Variants in CDH13 observed in about 807,000 individuals in gnomAD.
CDH13 encodes the protein cadherin-13.
Under a neutral mutation model 63.8 loss-of-function variants are expected in CDH13, and 24 were observed. The observed-to-expected ratio is 0.38, with a 90% CI of 0.27 to 0.53. The LOEUF (loss-of-function observed/expected upper bound fraction) is 0.53. Ranked by LOEUF, CDH13 falls within the 20% of genes least tolerant of loss-of-function variation. CDH13 has a pLI of 0.85. For synonymous variants in CDH13, 503 were observed against 355.3 expected, an observed-to-expected ratio of 1.42 and a Z score of -4.67; for missense variants, 1,049 against 903.1, an observed-to-expected ratio of 1.16 and a Z score of -2.07.
intron 2 of CDH13, among the ~76,000 whole-genome samples, chr16:82,965,998 TCAA>T (rs1459978433): frequency 6.6e-6 from 1 of 152,182 alleles, no homozygotes; most frequent in African/African-American, 2.4e-5. Flanking sequence ...AGCCAATCAG[TCAA>T]CGAGTTGACC....
intron 5 of CDH13, among the ~76,000 whole-genome samples, chr16:83,268,583 A>G (rs1432687645): frequency 6.6e-6 from 1 of 152,212 alleles, no homozygotes. Flanking sequence ...GACAAAGTCT[A>G]CGTTTCTACG....
chr16:83,565,455 G>A (rs536705815), intron 7 of CDH13, among the ~76,000 whole-genome samples: 1 of 144,928 alleles, frequency 6.9e-6, no homozygotes, highest in South Asian at 2.2e-4. Context: ...TTCCCCAAGA[G>A]TACTTCTTTG....
At chr16:82,837,907 G>T (rs1203209527) in intron 1 of CDH13, among the ~76,000 whole-genome samples, 3 of 152,238 alleles carry the variant, frequency 2.0e-5, no homozygotes, top group African/African-American at 7.2e-5. Context: ...CCAGATGCCA[G>T]CCAAGGGCCA....
At chr16:82,773,144 G>C (rs1032105986) in intron 1 of CDH13, among the ~76,000 whole-genome samples, 1 of 152,204 alleles carries the variant, frequency 6.6e-6, no homozygotes, top group Admixed American at 6.5e-5. Flanking sequence ...TGATACAGAG[G>C]CTGAGAAAGG....
chr16:83,694,637 C>T (rs1025817702), intron 10 of CDH13, among the ~76,000 whole-genome samples: 2 of 152,124 alleles, frequency 1.3e-5, no homozygotes, highest in African/African-American at 4.8e-5. Context: ...TGTCACAAAG[C>T]AGGAACAGGT....
intron 1 of CDH13, among the ~76,000 whole-genome samples, chr16:82,676,643 G>C (rs930500339): frequency 4.0e-5 from 6 of 151,880 alleles, no homozygotes; most frequent in Non-Finnish European, 7.4e-5. Context: ...TCATTCATTT[G>C]ATCAAAATCC....
chr16:82,775,609 C>G (rs1365847890), intron 1 of CDH13, among the ~76,000 whole-genome samples: 2 of 152,122 alleles, frequency 1.3e-5, no homozygotes, highest in African/African-American at 4.8e-5. Context: ...GAAACTAAGC[C>G]TCAGAGAGGT....
chr16:82,721,913 G>T (rs1309868155), intron 1 of CDH13, among the ~76,000 whole-genome samples: 1 of 152,078 alleles, frequency 6.6e-6, no homozygotes, highest in Admixed American at 6.6e-5. Flanking sequence ...CAGTGGGAAT[G>T]GAAGGACCTG....
chr16:83,534,816 G>T (rs1270708372), intron 7 of CDH13, among the ~76,000 whole-genome samples: 1 of 152,174 alleles, frequency 6.6e-6, no homozygotes, highest in Non-Finnish European at 1.5e-5. Flanking sequence ...ATTTAAATGT[G>T]AATTAGCAGT....
At chr16:82,647,374 G>A (rs1910217577) in intron 1 of CDH13, among the ~76,000 whole-genome samples, 1 of 152,228 alleles carries the variant, frequency 6.6e-6, no homozygotes, top group South Asian at 2.1e-4. Flanking sequence ...TTCCTCAAAA[G>A]CGGATGCTGT....
chr16:82,666,403 C>A (rs553455777), intron 1 of CDH13, among the ~76,000 whole-genome samples: 2 of 152,330 alleles, frequency 1.3e-5, no homozygotes, highest in South Asian at 4.1e-4. Context: ...ATCAGCCCTC[C>A]CTCTCCAATC....
At chr16:83,205,934 G>C (rs2039169692) in intron 4 of CDH13, among the ~76,000 whole-genome samples, 1 of 152,124 alleles carries the variant, frequency 6.6e-6, no homozygotes, top group African/African-American at 2.4e-5. Context: ...AATCATGAGA[G>C]AGAAACTGAC....
At chr16:83,425,349 G>C (rs1042214594) in intron 6 of CDH13, among the ~76,000 whole-genome samples, 3 of 152,218 alleles carry the variant, frequency 2.0e-5, no homozygotes, top group Non-Finnish European at 4.4e-5. Flanking sequence ...TGAAGCAATC[G>C]AGGAAGGAGA....
At chr16:83,152,364 A>T (rs1021748870) in intron 4 of CDH13, among the ~76,000 whole-genome samples, 1 of 152,264 alleles carries the variant, frequency 6.6e-6, no homozygotes, top group Non-Finnish European at 1.5e-5. Flanking sequence ...AACATATAGA[A>T]AAATGCATAA....
At chr16:83,178,793 G>T (rs8055236) in intron 4 of CDH13, among the ~76,000 whole-genome samples, 41,776 of 151,772 alleles carry the variant, frequency 0.28, 7,669 homozygotes, top group African/African-American at 0.53. Flanking sequence ...TCTTCCACTC[G>T]TTTCCTTGGA....
At chr16:82,682,459 G>A (rs1334255592) in intron 1 of CDH13, among the ~76,000 whole-genome samples, 1 of 152,142 alleles carries the variant, frequency 6.6e-6, no homozygotes, top group Non-Finnish European at 1.5e-5. Context: ...CAACAAATGT[G>A]GTCCCTCAAG....
intron 6 of CDH13, among the ~76,000 whole-genome samples, chr16:83,407,333 A>G (rs1436346160): frequency 2.0e-5 from 3 of 152,094 alleles, no homozygotes; most frequent in East Asian, 1.9e-4. Context: ...AGGTTTATCG[A>G]TTTTCTATAT....
At chr16:83,634,871 G>A (rs1911117349) in intron 8 of CDH13, among the ~76,000 whole-genome samples, 1 of 152,202 alleles carries the variant, frequency 6.6e-6, no homozygotes, top group Non-Finnish European at 1.5e-5. Flanking sequence ...CTAGATTGAA[G>A]CTACTGCAGT....
At chr16:83,683,969 C>A (rs1284693190) in intron 10 of CDH13, among the ~76,000 whole-genome samples, 1 of 152,252 alleles carries the variant, frequency 6.6e-6, no homozygotes, top group Non-Finnish European at 1.5e-5. Flanking sequence ...CTTGCTTCCA[C>A]TTTCAGCGTA....
Sources: gnomAD v4.1 joint callset for allele counts (sites outside exome capture counted in the v4.1 genomes callset) on GRCh38, gnomAD v4.1.1 for gene constraint, MANE v1.5 for transcripts, NCBI Gene and HGNC (gene_info 2026-07-23, HGNC 2026-07-21) for gene names.